PDGFD: variants seen among roughly 807,000 people sequenced by gnomAD.
PDGFD encodes platelet-derived growth factor D.
In PDGFD, 30 loss-of-function variants were observed where a neutral mutation model predicts 44.7. The observed-to-expected ratio is 0.67, with a 90% CI of 0.50 to 0.91. The LOEUF is 0.91. Among genes scored for constraint, PDGFD ranks in the 40% least tolerant of loss-of-function variants. The probability of loss-of-function intolerance (pLI) is 0.00; values close to 1 mark genes in which losing one functional copy is unlikely to be tolerated. For synonymous variants in PDGFD, 173 were observed against 168.4 expected (o/e 1.03, Z -0.21); for missense variants, 445 against 457.8 (o/e 0.97, Z 0.25).
At chr11:104,037,089 G>T in intron 1 of PDGFD, 1 of 1,614,196 alleles carries the variant, frequency 6.2e-7, no homozygotes. Context: ...GGCGTGCCCC[G>T]AACCAGCCTC....
intron 1 of PDGFD, among the ~76,000 whole-genome samples, chr11:104,158,584 G>A (rs1175528132): frequency 6.6e-6 from 1 of 152,240 alleles, no homozygotes; most frequent in Non-Finnish European, 1.5e-5. Flanking sequence ...TGTAATCCCA[G>A]CACTTTGGGA....
intron 3 of PDGFD, among the ~76,000 whole-genome samples, chr11:103,978,894 A>G (rs1337625104): frequency 5.3e-5 from 8 of 151,994 alleles, no homozygotes; most frequent in Non-Finnish European, 1.2e-4. Flanking sequence ...GAACTTGGGG[A>G]TGGTATTGTC....
intron 1 of PDGFD, among the ~76,000 whole-genome samples, chr11:104,097,037 G>T (rs550763267): frequency 6.6e-6 from 1 of 152,106 alleles, no homozygotes; most frequent in Admixed American, 6.6e-5. Flanking sequence ...AGTACTTCTG[G>T]ACATTATCAC....
At chr11:104,087,444 T>C (rs906281507) in intron 1 of PDGFD, among the ~76,000 whole-genome samples, 1 of 152,080 alleles carries the variant, frequency 6.6e-6, no homozygotes, top group Non-Finnish European at 1.5e-5. Flanking sequence ...CCTGGCCTCA[T>C]GATCCACCCG....
At position 103,938,967 on chromosome 11, in the gene PDGFD, G is replaced by A. The variant is rs1489023787; in HGVS notation, c.772+4485C>T. Among the ~76,000 whole-genome samples, 9 of 152,214 alleles carry A rather than the reference G, an allele frequency of 5.9e-5. No homozygotes were observed. In the East Asian group the frequency reaches 1.4e-3, roughly 23 times the overall value. On this transcript the variant is annotated intron_variant, in intron 5 of 6. Coordinates refer to ENST00000393158, the MANE Select transcript of PDGFD (RefSeq NM_025208.5). Reference sequence around the variant, plus strand: ...GTTTTGGTTACTGTAGCCTTGTAGTGTAGTTTGAAGTCAGGTAGCATGATG... The same window carrying A: ...GTTTTGGTTACTGTAGCCTTGTAGTATAGTTTGAAGTCAGGTAGCATGATG...
intron 5 of PDGFD, among the ~76,000 whole-genome samples, chr11:103,932,930 A>T (rs181961843): frequency 2.6e-5 from 4 of 152,326 alleles, no homozygotes; most frequent in Admixed American, 2.6e-4. Context: ...TTAGGTTAGA[A>T]TTAAGAAACT....
intron 1 of PDGFD, among the ~76,000 whole-genome samples, chr11:104,021,623 T>C (rs1591124639): frequency 6.6e-6 from 1 of 152,252 alleles, no homozygotes; most frequent in African/African-American, 2.4e-5. Context: ...ATAGAGCAGA[T>C]CGATATCCAA....
chr11:104,163,863 G>C lies in PDGFD; in HGVS notation c.65C>G (p.Ser22Cys). The C allele has an allele frequency of 3.8e-6, 6 of 1,580,710 alleles. No homozygotes were observed. The highest frequency in any genetic ancestry group is 5.2e-6 in the Non-Finnish European group (6 of 1,155,316). Residue 22 changes from serine to cysteine, a missense_variant, in exon 1 of 7, where the codon TCT becomes TGT. Physicochemically the swap from Ser to Cys is moderately radical, Grantham distance 112. Coordinates refer to ENST00000393158, the MANE Select transcript of PDGFD (RefSeq NM_025208.5). ...GATGGATGCGCTCTGCGGGGTTGCA[G>C]AAGTGTCCCGACAGCTGCAAAAGTT... ...CANFCSCRDT[S>C]ATPQSASIKA...
intron 3 of PDGFD, among the ~76,000 whole-genome samples, chr11:103,992,364 TATAC>T (rs1231378352): frequency 1.3e-5 from 2 of 152,220 alleles, no homozygotes; most frequent in African/African-American, 4.8e-5. Flanking sequence ...GAGACAGATA[TATAC>T]ATAATTTGTG....
chr11:104,006,836 C>T (rs563887957), intron 1 of PDGFD, among the ~76,000 whole-genome samples: 1 of 152,146 alleles, frequency 6.6e-6, no homozygotes, highest in Non-Finnish European at 1.5e-5. Context: ...GTGAGAGCCG[C>T]CTCCACCATT....
intron 1 of PDGFD, among the ~76,000 whole-genome samples, chr11:104,066,513 A>T (rs1477300800): frequency 6.6e-6 from 1 of 152,180 alleles, no homozygotes; most frequent in Non-Finnish European, 1.5e-5. Context: ...AAAAGCTTTC[A>T]GACAAGTAAT....
At chr11:103,947,631 T>G in intron 4 of PDGFD, 31 bp downstream of exon 4, 3 of 1,587,844 alleles carry the variant, frequency 1.9e-6, no homozygotes, top group Non-Finnish European at 2.6e-6. Flanking sequence ...ATCCGTTTCT[T>G]TTGCTGGCAA....
rs1396230647 is a variant in PDGFD, at chr11:104,066,441, T to C, written c.125-66186A>G. Among the ~76,000 whole-genome samples, 7 of 152,250 alleles carry C rather than the reference T, an allele frequency of 4.6e-5. No individual in the cohort carries two copies. In the East Asian group the frequency reaches 1.4e-3, roughly 30 times the overall value. The stretch of plus-strand genomic sequence containing the variant: ...GTTTACCCTGGTCTGGCTTCATTAC[T>C]GTAAAATCTGAAAAGTGGGAACTCG... On this transcript the variant is annotated intron_variant, in intron 1 of 6. Transcript: ENST00000393158.
chr11:104,137,171 T>C (rs1475227225), intron 1 of PDGFD, among the ~76,000 whole-genome samples: 1 of 152,200 alleles, frequency 6.6e-6, no homozygotes, highest in African/African-American at 2.4e-5. Flanking sequence ...AATAAGTCCA[T>C]TTTTAAATCT....
chr11:103,951,443 T>C (rs529340127), intron 3 of PDGFD, among the ~76,000 whole-genome samples: 1 of 152,302 alleles, frequency 6.6e-6, no homozygotes, highest in South Asian at 2.1e-4. Context: ...CTTTTAATGG[T>C]AAATCAAATC....
chr11:104,043,724 A>C (rs1320018021), intron 1 of PDGFD, among the ~76,000 whole-genome samples: 3 of 152,126 alleles, frequency 2.0e-5, no homozygotes, highest in African/African-American at 7.2e-5. Flanking sequence ...ACAAAGAGGG[A>C]GCAGACATGT....
rs758070297 is a variant in PDGFD at position 103,909,838 on chromosome 11, C to T, written c.988-19G>A. 2.5e-6 allele frequency: 4 copies of T among 1,613,894 alleles called. No homozygotes were observed. The African/African-American group carries it at 4.0e-5, about 16-fold the overall frequency. ...GTAATACCTAGGACAAGAAGCACAT[C>T]TCCTGTTAGAAAGCCTTTGGAGTTC... is the stretch of plus-strand genomic sequence containing the variant. On this transcript the variant is annotated intron_variant, in intron 6 of 6. Transcript: ENST00000393158.
In PDGFD at chr11:104,080,469, A is replaced by G. The variant is rs148386047; in HGVS notation, c.125-80214T>C. Among the ~76,000 whole-genome samples the G allele has an allele frequency of 2.9e-3, 443 of 152,362 alleles. 2 individuals carry two copies. The highest frequency in any genetic ancestry group is 4.7e-3 in the Non-Finnish European group (319 of 68,030). ...TTTTGGTTAATATGCAAAATATACC[A>G]GCACAGGGTCTAAAATGTCTGACAA... is the stretch of plus-strand genomic sequence containing the variant. On this transcript the variant is annotated intron_variant, in intron 1 of 6. Transcript: ENST00000393158.
chr11:103,954,213 T>C (rs968371500), intron 3 of PDGFD, among the ~76,000 whole-genome samples: 2 of 152,218 alleles, frequency 1.3e-5, no homozygotes, highest in Non-Finnish European at 2.9e-5. Flanking sequence ...ACAGTTGATA[T>C]ATTACAAGCT....
Sources: gnomAD v4.1 joint callset for allele counts (sites outside exome capture counted in the v4.1 genomes callset) on GRCh38, gnomAD v4.1.1 for gene constraint, MANE v1.5 for transcripts, NCBI Gene and HGNC (gene_info 2026-07-23, HGNC 2026-07-21) for gene names.